The following GABRR1 variants were observed in gnomAD, a reference collection of about 807,000 sequenced individuals.
GABRR1 encodes the protein gamma-aminobutyric acid receptor subunit rho-1.
GABRR1 carries 59 observed loss-of-function variants against 55.5 expected under a neutral mutation model. That is an observed-to-expected ratio of 1.06 (90% CI 0.86 to 1.32). GABRR1 has a LOEUF of 1.32. GABRR1 is among the 40% of genes most tolerant of loss of function. The probability of loss-of-function intolerance (pLI) is 0.00; values close to 1 mark genes in which losing one functional copy is unlikely to be tolerated. For missense variants in GABRR1, 602 were observed against 619.1 expected (o/e 0.97, Z 0.29); for synonymous variants, 213 against 226.0 (o/e 0.94, Z 0.51).
rs1185992809 is a variant in GABRR1, at chr6:89,179,217, G to GT, written c.1147-155dup. On this transcript the variant is annotated intron_variant, in intron 9 of 9. Transcript: ENST00000454853. Reference sequence around the variant, plus strand: ...CCTGTTTTGTTTTGTTTTTGTTTTTGTTTTTTTTTTGGGGGGGACTTGAGT... The same window carrying GT: ...CCTGTTTTGTTTTGTTTTTGTTTTTGTTTTTTTTTTTGGGGGGGACTTGAGT... Among the ~76,000 whole-genome samples the GT allele has an allele frequency of 2.4e-3, 339 of 143,516 alleles. 1 individual carries two copies. The highest frequency in any genetic ancestry group is 6.2e-3 in the African/African-American group (229 of 37,212). 94.2% of individuals were successfully genotyped at this position (143,516 alleles called of 152,430 possible). A position where few individuals can be genotyped will look rare whatever the true frequency, so the allele number is the denominator to read the frequency against.
intron 1 of GABRR1, among the ~76,000 whole-genome samples, chr6:89,210,782 G>A (rs1772810046): frequency 1.3e-5 from 2 of 152,236 alleles, no homozygotes; most frequent in Non-Finnish European, 1.5e-5. Context: ...GGATAAATGC[G>A]CCCTCAAGGG....
At position 89,199,428 on chromosome 6, in the gene GABRR1, G is replaced by A; in HGVS notation, c.282C>T (p.Gly94=). 6.2e-7 allele frequency: 1 copy of A among 1,613,820 alleles called. No homozygotes were observed. Among genetic ancestry groups the A allele is most frequent in the Non-Finnish European group, 8.5e-7 (1 of 1,179,752 alleles). Residue 94 remains glycine, a splice_region_variant and synonymous_variant, in exon 4 of 10, where the codon GGC becomes GGT. Coordinates refer to ENST00000454853, the MANE Select transcript of GABRR1 (RefSeq NM_002042.5). ...CATCCACACCAACAGGAATGGCAGG[G>A]CCTGGGGACAGAGCATGGCAAGAGC... ...HDFSMRPGFG[G]PAIPVGVDVQ...
At chr6:89,191,903 G>A (rs181355579) in intron 5 of GABRR1, among the ~76,000 whole-genome samples, 29 of 152,182 alleles carry the variant, frequency 1.9e-4, no homozygotes, top group South Asian at 6.2e-4. Flanking sequence ...TTTGACGGGC[G>A]TAGTGGCATG....
At chr6:89,192,273 C>T (rs1329329459) in intron 5 of GABRR1, among the ~76,000 whole-genome samples, 1 of 151,920 alleles carries the variant, frequency 6.6e-6, no homozygotes, top group Non-Finnish European at 1.5e-5. Context: ...TTTCCATTCT[C>T]CAGCTCTTGG....
intron 1 of GABRR1, among the ~76,000 whole-genome samples, chr6:89,225,313 T>C (rs2127812454): frequency 6.7e-6 from 1 of 148,308 alleles, no homozygotes; most frequent in East Asian, 2.0e-4. Flanking sequence ...GTGCACATTG[T>C]GCAGGTTAGT....
intron 1 of GABRR1, among the ~76,000 whole-genome samples, chr6:89,208,746 C>T (rs1031092475): frequency 3.9e-5 from 6 of 152,246 alleles, no homozygotes; most frequent in Non-Finnish European, 7.3e-5. Flanking sequence ...AATGTGTGAT[C>T]CAGACAGAGA....
In GABRR1 at chr6:89,201,243, C is replaced by A; in HGVS notation, c.196G>T (p.Asp66Tyr). 6.2e-7 allele frequency: 1 copy of A among 1,614,072 alleles called. No homozygotes were observed. Among genetic ancestry groups the A allele is most frequent in the South Asian group, 1.1e-5 (1 of 91,062 alleles). The change falls in exon 3 of 10, where the codon GAC becomes TAC. Residue 66 changes from aspartate to tyrosine, a missense_variant. Coordinates refer to ENST00000454853, the MANE Select transcript of GABRR1 (RefSeq NM_002042.5). ...TTTGTCAGAGGCGATTTGGTGATGT[C>A]AGGACTTCGTCTCAGAATTGGGCTG... ...QVSPILRRSP[D>Y]ITKSPLTKSE...
At chr6:89,213,214 G>A (rs1448738007) in intron 1 of GABRR1, among the ~76,000 whole-genome samples, 1 of 152,130 alleles carries the variant, frequency 6.6e-6, no homozygotes, top group Non-Finnish European at 1.5e-5. Context: ...TGCACCCTAG[G>A]CACCTCACTA....
At chr6:89,191,810 T>C (rs1674027346) in intron 5 of GABRR1, among the ~76,000 whole-genome samples, 1 of 152,156 alleles carries the variant, frequency 6.6e-6, no homozygotes, top group African/African-American at 2.4e-5. Flanking sequence ...ATTAAGAGTT[T>C]TGGTCTGAGG....
intron 1 of GABRR1, among the ~76,000 whole-genome samples, chr6:89,204,370 A>G (rs1197506564): frequency 1.6e-4 from 24 of 152,234 alleles, no homozygotes; most frequent in Admixed American, 1.6e-3. Flanking sequence ...CATGCGCTTC[A>G]GGCGATGGGC....
At chr6:89,210,750 G>A (rs1772809053) in intron 1 of GABRR1, among the ~76,000 whole-genome samples, 1 of 152,194 alleles carries the variant, frequency 6.6e-6, no homozygotes, top group South Asian at 2.1e-4. Context: ...ATTCACCATT[G>A]TTCTTGATTG....
chr6:89,196,869 AAG>A (rs1491251719), intron 5 of GABRR1, among the ~76,000 whole-genome samples: 6 of 137,680 alleles, frequency 4.4e-5, no homozygotes, highest in Non-Finnish European at 1.6e-5. Context: ...GAAAGAAAGA[AAG>A]AAAGAAAGAG....
At chr6:89,197,348 C>G (rs1772329342) in intron 5 of GABRR1, among the ~76,000 whole-genome samples, 1 of 152,238 alleles carries the variant, frequency 6.6e-6, no homozygotes, top group African/African-American at 2.4e-5. Context: ...CATCCCTTCT[C>G]TGTGAAGGCC....
intron 1 of GABRR1, among the ~76,000 whole-genome samples, chr6:89,215,746 G>C (rs1379085314): frequency 6.6e-6 from 1 of 152,140 alleles, no homozygotes; most frequent in African/African-American, 2.4e-5. Context: ...ATTCCACACT[G>C]TATGTATAGA....
At chr6:89,198,287 C>A in intron 4 of GABRR1, 44 bp from the exon 5 acceptor site, 2 of 1,364,352 alleles carry the variant, frequency 1.5e-6, no homozygotes, top group Non-Finnish European at 1.0e-6. Context: ...CACACACAAA[C>A]CCACTGAGAT....
intron 5 of GABRR1, among the ~76,000 whole-genome samples, chr6:89,192,547 CTCTTCTTCT>C (rs559452823): frequency 6.7e-6 from 1 of 150,144 alleles, no homozygotes; most frequent in Non-Finnish European, 1.5e-5. Context: ...CCTCTTCTTC[CTCTTCTTCT>C]TCTTCTTCTT....
intron 7 of GABRR1, among the ~76,000 whole-genome samples, chr6:89,184,261 A>G (rs546895623): frequency 6.7e-6 from 1 of 149,478 alleles, no homozygotes; most frequent in South Asian, 2.1e-4. Context: ...AAAAAAAAAA[A>G]AAAAAATTCC....
At position 89,225,017 on chromosome 6, in the gene GABRR1, G is replaced by A. The variant is rs368246648; in HGVS notation, c.-410-3571C>T. The stretch of plus-strand genomic sequence containing the variant: ...AGGCTAGTCTTGAACTCCTGACCTC[G>A]TGATCCACCCGCCTTGGCCTCCCAA... On this transcript the variant is annotated intron_variant, in intron 1 of 11. Coordinates refer to the GABRR1 transcript ENST00000369451. Among the ~76,000 whole-genome samples the A allele has an allele frequency of 2.3e-3, 357 of 152,194 alleles. 2 individuals are homozygous for A. The highest frequency in any genetic ancestry group is 7.4e-3 in the African/African-American group (309 of 41,538).
At chr6:89,204,618 AT>A (rs1772585680) in intron 1 of GABRR1, 2 of 1,271,532 alleles carry the variant, frequency 1.6e-6, no homozygotes, top group African/African-American at 1.5e-5. Flanking sequence ...CCAGCCTGAA[AT>A]GGAACCAGTC....
Sources: allele counts gnomAD v4.1 joint callset (sites outside exome capture counted in the v4.1 genomes callset), GRCh38; gene constraint gnomAD v4.1.1; transcripts MANE v1.5; gene names NCBI Gene and HGNC (gene_info 2026-07-23, HGNC 2026-07-21).